Variants in VPS37C observed in about 807,000 individuals in gnomAD.
VPS37C encodes the protein VPS37C subunit of ESCRT-I, also known as vacuolar protein sorting-associated protein 37C.
In VPS37C, 9 loss-of-function variants were observed where a neutral mutation model predicts 16.1. The ratio of observed to expected loss-of-function variants is 0.56; its 90% CI spans 0.34 to 0.97. The LOEUF (loss-of-function observed/expected upper bound fraction) is 0.97, where lower values mean the gene tolerates loss of function less well. Among genes scored for constraint, VPS37C ranks in the 50% least tolerant of loss-of-function variants. The pLI is 0.02. For synonymous variants in VPS37C, 207 were observed against 206.4 expected (o/e 1.00, Z -0.02); for missense variants, 479 against 472.7 (o/e 1.01, Z -0.12).
chr11:61,160,500 G>T (rs1157792630), intron 1 of VPS37C, among the ~76,000 whole-genome samples: 1 of 152,240 alleles, frequency 6.6e-6, no homozygotes, highest in African/African-American at 2.4e-5. Flanking sequence ...GGGTGGAAAA[G>T]GCCTTAGGCA....
intron 2 of VPS37C, among the ~76,000 whole-genome samples, chr11:61,137,689 T>C (rs1029867127): frequency 3.3e-5 from 5 of 152,178 alleles, no homozygotes; most frequent in African/African-American, 1.2e-4. Flanking sequence ...TTGCTCCACG[T>C]CCTTGCTGAG....
rs1437500883 is a variant in VPS37C at position 61,131,017 on chromosome 11, G to A, written c.*803C>T. 9.8e-6 allele frequency: 3 copies of A among 307,508 alleles called. No individual in the cohort carries two copies. The highest frequency in any genetic ancestry group is 1.8e-5 in the Non-Finnish European group (3 of 163,058). 19.0% of individuals were successfully genotyped at this position (307,508 alleles called of 1,614,324 possible). A position where few individuals can be genotyped will look rare whatever the true frequency, so the allele number is the denominator to read the frequency against. ...GGAGAGAAGGGAGGGTGGCTGGGGA[G>A]GTGACCTGGCCCTCCAATCCTAAAC... is the stretch of plus-strand genomic sequence containing the variant. On this transcript the variant is annotated 3_prime_UTR_variant, in exon 5 of 5. Coordinates refer to ENST00000301765, the MANE Select transcript of VPS37C (RefSeq NM_017966.5).
chr11:61,133,995 C>A, intron 3 of VPS37C, 41 bp downstream of exon 3: 1 of 1,586,508 alleles, frequency 6.3e-7, no homozygotes. Context: ...CTCCGTCCAA[C>A]CCTGAATGGG....
intron 1 of VPS37C, among the ~76,000 whole-genome samples, chr11:61,152,919 T>C (rs1853320640): frequency 1.3e-5 from 2 of 152,232 alleles, no homozygotes; most frequent in Non-Finnish European, 2.9e-5. Context: ...AAAGCTTTCC[T>C]TGCTTCTTCC....
intron 1 of VPS37C, among the ~76,000 whole-genome samples, chr11:61,141,551 G>T (rs575741811): frequency 6.6e-6 from 1 of 152,114 alleles, no homozygotes; most frequent in Admixed American, 6.5e-5. Flanking sequence ...ACACATCAGG[G>T]GCACAGGCTC....
At chr11:61,144,320 A>C (rs1383695341) in intron 1 of VPS37C, 1 of 152,188 alleles carries the variant, frequency 6.6e-6, no homozygotes, top group African/African-American at 2.4e-5. Context: ...CCTGGGTCTG[A>C]CTAGTTTGGC....
intron 2 of VPS37C, among the ~76,000 whole-genome samples, chr11:61,136,270 A>G (rs1302646576): frequency 2.0e-5 from 3 of 148,308 alleles, no homozygotes; most frequent in Admixed American, 6.9e-5. Context: ...GGTTCAAGCG[A>G]TTCTCCTGCC....
intron 2 of VPS37C, among the ~76,000 whole-genome samples, chr11:61,134,489 C>T (rs953732099): frequency 1.3e-5 from 2 of 152,148 alleles, no homozygotes; most frequent in African/African-American, 4.8e-5. Context: ...TGATTGATAT[C>T]CATGATGGAA....
intron 1 of VPS37C, chr11:61,145,203 G>C (rs1853179640): frequency 6.6e-6 from 1 of 152,324 alleles, no homozygotes; most frequent in East Asian, 1.9e-4. Flanking sequence ...GAGATAAAAT[G>C]AATCCCAGAA....
chr11:61,160,127 G>A (rs1853447396), intron 1 of VPS37C, among the ~76,000 whole-genome samples: 1 of 152,114 alleles, frequency 6.6e-6, no homozygotes, highest in African/African-American at 2.4e-5. Context: ...CAAAACAGCG[G>A]CCAGAAACTG....
At chr11:61,132,701 A>G (rs543172492) in intron 4 of VPS37C, 162 bp from the exon 5 acceptor site, 3 of 897,836 alleles carry the variant, frequency 3.3e-6, no homozygotes, top group Non-Finnish European at 4.9e-6. Flanking sequence ...GACATATGGT[A>G]CATGCACTGT....
intron 4 of VPS37C, 38 bp from the exon 5 acceptor site, chr11:61,132,577 G>T (rs370813464): frequency 1.3e-6 from 2 of 1,536,716 alleles, no homozygotes; most frequent in Non-Finnish European, 1.8e-6. Flanking sequence ...AGGGGCAGCT[G>T]GGATCAAGGC....
At chr11:61,157,196 A>C (rs930565766) in intron 1 of VPS37C, among the ~76,000 whole-genome samples, 2 of 152,252 alleles carry the variant, frequency 1.3e-5, no homozygotes, top group African/African-American at 4.8e-5. Flanking sequence ...TGCTGCTACA[A>C]ACATGGGTAT....
At chr11:61,160,393 C>G (rs905400335) in intron 1 of VPS37C, among the ~76,000 whole-genome samples, 3 of 152,172 alleles carry the variant, frequency 2.0e-5, no homozygotes, top group African/African-American at 7.2e-5. Context: ...CGGTCACCAC[C>G]ACCTCCAGCT....
At chr11:61,158,962 T>C (rs1853421292) in intron 1 of VPS37C, among the ~76,000 whole-genome samples, 1 of 152,208 alleles carries the variant, frequency 6.6e-6, no homozygotes, top group African/African-American at 2.4e-5. Context: ...CAAAACCTTG[T>C]GGAAACGCCA....
intron 2 of VPS37C, among the ~76,000 whole-genome samples, chr11:61,134,756 C>G (rs1861335361): frequency 6.6e-6 from 1 of 152,224 alleles, no homozygotes; most frequent in South Asian, 2.1e-4. Context: ...AGACCTGGAC[C>G]TGCCTCCTAT....
At position 61,143,967 on chromosome 11, in the gene VPS37C, A is replaced by AGT. The variant is rs745575418; in HGVS notation, c.-6-5133_-6-5132insAC. On this transcript the variant is annotated intron_variant, in intron 1 of 4. Coordinates refer to ENST00000301765, the MANE Select transcript of VPS37C (RefSeq NM_017966.5). ...GAGCGACCACGCCCGGCCGATTCTT[A>AGT]ATTTTTTTTTTTTTTTTTTGAGACG... The AGT allele has an allele frequency of 2.0e-4, 25 of 127,774 alleles. 1 individual carries two copies. The highest frequency in any genetic ancestry group is 2.5e-4 in the East Asian group (1 of 4,022). The allele number at this position is 127,774 out of a possible 1,614,324, so 7.9% of individuals were successfully genotyped here. A position where few individuals can be genotyped will look rare whatever the true frequency, so the allele number is the denominator to read the frequency against.
intron 1 of VPS37C, among the ~76,000 whole-genome samples, chr11:61,158,264 G>A (rs567410465): frequency 1.3e-5 from 2 of 152,314 alleles, no homozygotes; most frequent in South Asian, 2.1e-4. Context: ...GGAAATGGAC[G>A]AATCCACAAT....
At chr11:61,158,706 ACTCT>A (rs1010170281) in intron 1 of VPS37C, among the ~76,000 whole-genome samples, 7 of 151,782 alleles carry the variant, frequency 4.6e-5, no homozygotes, top group African/African-American at 7.3e-5. Context: ...CACTGGGGAG[ACTCT>A]CTCTCCTCTC....
Sources: allele counts gnomAD v4.1 joint callset (sites outside exome capture counted in the v4.1 genomes callset), GRCh38; gene constraint gnomAD v4.1.1; transcripts MANE v1.5; gene names NCBI Gene and HGNC (gene_info 2026-07-23, HGNC 2026-07-21).